The following ZC3H13 variants were observed in gnomAD, a reference collection of about 807,000 sequenced individuals.
ZC3H13 encodes zinc finger CCCH domain-containing protein 13.
ZC3H13 carries 64 observed loss-of-function variants against 204.1 expected under a neutral mutation model. The observed-to-expected ratio is 0.31, with a 90% confidence interval of 0.26 to 0.39. The LOEUF is 0.39. ZC3H13 is among the 10% of genes least tolerant of loss of function. The pLI is 1.00. For synonymous variants in ZC3H13, 667 were observed against 693.7 expected (o/e 0.96, Z 0.60); for missense variants, 1,833 against 2,082.7 (o/e 0.88, Z 2.33).
chr13:46,034,796 A>G (rs1003406886), intron 4 of ZC3H13, among the ~76,000 whole-genome samples: 4 of 152,202 alleles, frequency 2.6e-5, no homozygotes, highest in African/African-American at 9.6e-5. Context: ...ATCACCCACA[A>G]GCTAAGGAAG....
intron 1 of ZC3H13, among the ~76,000 whole-genome samples, chr13:46,046,226 C>G (rs1403251323): frequency 2.0e-5 from 3 of 152,096 alleles, no homozygotes; most frequent in African/African-American, 7.2e-5. Flanking sequence ...CTATACTACA[C>G]TGACATAAAA....
chr13:46,015,156 A>C (rs1453768288), intron 5 of ZC3H13, among the ~76,000 whole-genome samples: 1 of 151,980 alleles, frequency 6.6e-6, no homozygotes, highest in Admixed American at 6.6e-5. Flanking sequence ...ACCAATGTAA[A>C]CCCCCACTTG....
intron 7 of ZC3H13, among the ~76,000 whole-genome samples, chr13:46,007,394 T>C (rs916760590): frequency 6.6e-6 from 1 of 152,194 alleles, no homozygotes; most frequent in Admixed American, 6.5e-5. Context: ...TTTGGTTTCC[T>C]TGAAAACCCA....
chr13:45,979,869 T>C lies in ZC3H13; in HGVS notation c.1856A>G (p.Asp619Gly). The C allele has an allele frequency of 1.2e-6, 2 of 1,607,212 alleles. No individual in the cohort carries two copies. The highest frequency in any genetic ancestry group is 1.7e-6 in the Non-Finnish European group (2 of 1,176,828). Reference protein sequence around the residue: ...PERDNRDQARDSSFERRHGER... With the variant: ...PERDNRDQARGSSFERRHGER... Reference sequence around the variant, plus strand: ...TCCATGTCTTCTCTCAAAGGAAGAATCCCTTGCTTGATCTCTGTTGTCTCT... The same window carrying C: ...TCCATGTCTTCTCTCAAAGGAAGAACCCCTTGCTTGATCTCTGTTGTCTCT... The change falls in exon 11 of 19, where the codon GAT (aspartate) becomes GGT (glycine). Residue 619 changes from aspartate (D) to glycine (G), a missense_variant. Physicochemically the swap from Asp to Gly is moderately conservative, Grantham distance 94. Around this residue, in one of 5 missense-constraint regions of ZC3H13, gnomAD observed 1,574 missense variants for 1,757.2 expected, o/e 0.90. Transcript: ENST00000679008.
chr13:46,025,386 A>C (rs2042480645), intron 4 of ZC3H13, among the ~76,000 whole-genome samples: 1 of 152,182 alleles, frequency 6.6e-6, no homozygotes, highest in African/African-American at 2.4e-5. Flanking sequence ...AGCTCACTGT[A>C]GTCTTGACCT....
chr13:46,026,355 TA>T (rs777631937), intron 4 of ZC3H13, among the ~76,000 whole-genome samples: 1 of 151,844 alleles, frequency 6.6e-6, no homozygotes, highest in Non-Finnish European at 1.5e-5. Context: ...GGATATGGAG[TA>T]AAAGAGACAG....
intron 4 of ZC3H13, among the ~76,000 whole-genome samples, chr13:46,037,343 T>C (rs1383303695): frequency 6.6e-6 from 1 of 152,162 alleles, no homozygotes; most frequent in Non-Finnish European, 1.5e-5. Flanking sequence ...ACTCCTAAAT[T>C]AGGTATCTTC....
Position 46,010,405 on chromosome 13 carries a change from G to A in ZC3H13, c.689C>T (p.Ala230Val), listed in dbSNP as rs1184601471. 6.2e-7 allele frequency: 1 copy of A among 1,613,830 alleles called. No individual in the cohort carries two copies. Among genetic ancestry groups the A allele is most frequent in the Non-Finnish European group, 8.5e-7 (1 of 1,179,790 alleles). The change falls in exon 7 of 19, where the codon GCT becomes GTT. Residue 230 changes from alanine to valine, a missense_variant. Ala to Val is a moderately conservative substitution (Grantham distance 64). Transcript: ENST00000679008. ...KRKSSPKSSSASKKDRKTSAV... is the reference protein window; with the variant it reads ...KRKSSPKSSSVSKKDRKTSAV... ...AGATGTCTTCCTATCTTTCTTGCTA[G>A]CTGAAGACGACTTCGGGCTTGATTT...
intron 10 of ZC3H13, among the ~76,000 whole-genome samples, chr13:45,984,939 C>T (rs1338943733): frequency 6.6e-6 from 1 of 152,158 alleles, no homozygotes; most frequent in Non-Finnish European, 1.5e-5. Flanking sequence ...AAACCCACCA[C>T]TTTAATCCTA....
chr13:46,050,365 G>A (rs192154789), intron 1 of ZC3H13, among the ~76,000 whole-genome samples: 1 of 152,178 alleles, frequency 6.6e-6, no homozygotes, highest in African/African-American at 2.4e-5. Context: ...ACACATATGC[G>A]TTCTAGTATC....
Position 45,963,522 on chromosome 13 carries a change from A to G in ZC3H13, c.4675+320T>C, listed in dbSNP as rs1951840766. The G allele has an allele frequency of 3.7e-6, 4 of 1,070,054 alleles. No individual in the cohort carries two copies. In the South Asian group the frequency reaches 1.2e-4, roughly 31 times the overall value. The allele number at this position is 1,070,054 out of a possible 1,614,324, so 66.3% of individuals were successfully genotyped here. ...CTGCAGCCTCAATTTCCTGGGCTCC[A>G]GCAATCCTGCTGCCTCAACCTCCCT... On this transcript the variant is annotated intron_variant, in intron 17 of 18. Transcript: ENST00000679008.
chr13:46,007,191 C>T (rs1052333707), intron 7 of ZC3H13, among the ~76,000 whole-genome samples: 34 of 151,978 alleles, frequency 2.2e-4, no homozygotes, highest in African/African-American at 8.0e-4. Flanking sequence ...CAGTGGTAAA[C>T]CATACTATCT....
chr13:46,006,297 T>G (rs557021123), intron 7 of ZC3H13, among the ~76,000 whole-genome samples: 2 of 151,912 alleles, frequency 1.3e-5, no homozygotes, highest in South Asian at 2.1e-4. Context: ...CCTCTAAAAC[T>G]CTGATCCCCA....
intron 8 of ZC3H13, among the ~76,000 whole-genome samples, chr13:45,997,260 A>C (rs1375915662): frequency 6.6e-6 from 1 of 152,232 alleles, no homozygotes; most frequent in African/African-American, 2.4e-5. Context: ...TTTCGTATTA[A>C]ACTTACAAAT....
intron 5 of ZC3H13, among the ~76,000 whole-genome samples, chr13:46,013,412 CAA>C (rs562249055): frequency 2.9e-5 from 3 of 104,908 alleles, no homozygotes; most frequent in African/African-American, 1.1e-4. Context: ...GACTTCGTCT[CAA>C]AAAAAAAAAA....
chr13:45,995,520 G>T (rs2040268159), intron 8 of ZC3H13, among the ~76,000 whole-genome samples: 1 of 152,132 alleles, frequency 6.6e-6, no homozygotes, highest in African/African-American at 2.4e-5. Flanking sequence ...ATATAATCAT[G>T]TTTGGCTATA....
At chr13:46,006,415 CT>C (rs2041155588) in intron 7 of ZC3H13, among the ~76,000 whole-genome samples, 1 of 151,842 alleles carries the variant, frequency 6.6e-6, no homozygotes, top group Non-Finnish European at 1.5e-5. Context: ...CCATAATCAA[CT>C]GCTTTTGTCT....
chr13:45,967,909 C>T lies in ZC3H13; in HGVS notation c.3916G>A (p.Glu1306Lys). The T allele has an allele frequency of 1.2e-6, 2 of 1,614,068 alleles. No individual in the cohort carries two copies. The highest frequency in any genetic ancestry group is 8.5e-7 in the Non-Finnish European group (1 of 1,179,978). ...RDRLQERDRY[E>K]HDRERERERR... ...TCTCTCTCGCGCTCTCTGTCGTGTT[C>T]ATATCGATCTCGTTCTTGAAGCCTG... The change falls in exon 15 of 19, where the codon GAA (glutamate) becomes AAA (lysine). Residue 1306 changes from glutamate to lysine, a missense_variant. By Grantham distance (56) the Glu-to-Lys change is moderately conservative (BLOSUM62 1). This residue lies in a region of ZC3H13 where 1,574 missense variants were observed against 1,757.2 expected (regional missense o/e 0.90). Transcript: ENST00000679008.
rs1236994867 is a variant in ZC3H13 at position 45,954,766 on chromosome 13, A to C, written c.*2361T>G. ...TACAGAACAGATTTTCAAGTTAATA[A>C]GTCATAAAATCCTAATGTAGTCATA... is the stretch of plus-strand genomic sequence containing the variant. On this transcript the variant is annotated 3_prime_UTR_variant, in exon 19 of 19. Coordinates refer to ENST00000679008, the MANE Select transcript of ZC3H13 (RefSeq NM_001330564.2). 2.6e-5 allele frequency: 4 copies of C among 152,246 alleles called. No homozygotes were observed. The highest frequency in any genetic ancestry group is 2.1e-4 in the South Asian group (1 of 4,832). The allele number at this position is 152,246 out of a possible 1,614,324, so 9.4% of individuals were successfully genotyped here. A position where few individuals can be genotyped will look rare whatever the true frequency, so the allele number is the denominator to read the frequency against.
Sources: allele counts gnomAD v4.1 joint callset (sites outside exome capture counted in the v4.1 genomes callset), GRCh38; gene constraint gnomAD v4.1.1; regional missense constraint gnomAD v4.1.1; transcripts MANE v1.5; gene names NCBI Gene and HGNC (gene_info 2026-07-23, HGNC 2026-07-21).